The following FRMD4A variants were observed in gnomAD, a reference collection of about 807,000 sequenced individuals.
FRMD4A encodes the protein FERM domain containing 4A, also known as FERM domain-containing protein 4A.
A neutral mutation model predicts 129.1 loss-of-function variants in FRMD4A; 29 were observed. The observed-to-expected ratio is 0.22, with a 90% CI of 0.17 to 0.31. FRMD4A has a LOEUF of 0.31. Ranked by LOEUF, FRMD4A falls within the 10% of genes least tolerant of loss-of-function variation. The probability of loss-of-function intolerance (pLI) is 1.00; values close to 1 mark genes in which losing one functional copy is unlikely to be tolerated. For synonymous variants in FRMD4A, 634 were observed against 571.6 expected (o/e 1.11, Z -1.56); for missense variants, 1,272 against 1,375.8 (o/e 0.92, Z 1.19).
intron 2 of FRMD4A, among the ~76,000 whole-genome samples, chr10:14,154,118 G>A (rs75679371): frequency 0.012 from 1,884 of 152,166 alleles, 29 homozygotes; most frequent in African/African-American, 0.043. Flanking sequence ...TGGCAGTGAC[G>A]CCCGATAGGT....
At chr10:13,784,797 C>T (rs1371805213) in intron 5 of FRMD4A, among the ~76,000 whole-genome samples, 1 of 152,114 alleles carries the variant, frequency 6.6e-6, no homozygotes, top group Admixed American at 6.5e-5. Flanking sequence ...CGAAACCAGC[C>T]TGGCCACCAT....
At chr10:14,323,255 A>G (rs1381455015) in intron 2 of FRMD4A, among the ~76,000 whole-genome samples, 2 of 152,236 alleles carry the variant, frequency 1.3e-5, no homozygotes, top group Non-Finnish European at 2.9e-5. Context: ...ATCATTTCAT[A>G]TCTTTTTAAG....
chr10:13,883,365 G>A (rs2094569162), intron 2 of FRMD4A, among the ~76,000 whole-genome samples: 1 of 152,032 alleles, frequency 6.6e-6, no homozygotes, highest in African/African-American at 2.4e-5. Flanking sequence ...AGTGGTGCGT[G>A]GCTGTAATCC....
At chr10:14,205,421 A>G (rs1323294518) in intron 2 of FRMD4A, among the ~76,000 whole-genome samples, 2 of 152,278 alleles carry the variant, frequency 1.3e-5, no homozygotes, top group East Asian at 3.9e-4. Flanking sequence ...TCTGATGCTG[A>G]TAGGATGCCT....
At chr10:14,226,622 T>C (rs1242707917) in intron 2 of FRMD4A, among the ~76,000 whole-genome samples, 1 of 152,160 alleles carries the variant, frequency 6.6e-6, no homozygotes, top group Non-Finnish European at 1.5e-5. Flanking sequence ...CCATGGTCCA[T>C]GTCTGTGTCC....
rs1564511961 is a variant in FRMD4A, at chr10:13,651,990, CAGG to C, written c.3051-19_3051-17del. 6.1e-6 allele frequency: 9 copies of C among 1,473,352 alleles called. No individual in the cohort carries two copies. The highest frequency in any genetic ancestry group is 2.3e-5 in the East Asian group (1 of 44,246). The allele number at this position is 1,473,352 out of a possible 1,614,324, so 91.3% of individuals were successfully genotyped here. ...TGTTGCTTCTCTGAACAAAGGAAAG[CAGG>C]AGGAGGAAGAGAAGAGAGGTCATGT... On this transcript the variant is annotated splice_polypyrimidine_tract_variant and intron_variant, in intron 23 of 24. Transcript: ENST00000357447.
chr10:13,842,501 A>G lies in FRMD4A; in HGVS notation c.111+16346T>C, dbSNP rs78357043. Reference sequence around the variant, plus strand: ...CTCACCAAAATCCTGCAAGGTACTTATAATTCCCATTTTAGTAACGAGAAA... The same window carrying G: ...CTCACCAAAATCCTGCAAGGTACTTGTAATTCCCATTTTAGTAACGAGAAA... On this transcript the variant is annotated intron_variant, in intron 3 of 24. Transcript: ENST00000357447. Among the ~76,000 whole-genome samples the G allele has an allele frequency of 2.0e-3, 310 of 152,326 alleles. 3 individuals carry two copies. Among genetic ancestry groups the G allele is most frequent in the African/African-American group, 6.9e-3 (285 of 41,566 alleles).
chr10:14,184,443 T>C (rs564346823), intron 2 of FRMD4A, among the ~76,000 whole-genome samples: 46 of 151,740 alleles, frequency 3.0e-4, no homozygotes, highest in Middle Eastern at 3.4e-3. Context: ...TTGAGTAATC[T>C]CAGTTATTTA....
At chr10:13,814,580 C>CAAAAAAAAAAAA (rs553044764) in intron 3 of FRMD4A, among the ~76,000 whole-genome samples, 4 of 41,392 alleles carry the variant, frequency 9.7e-5, no homozygotes, top group East Asian at 1.6e-3. Context: ...GACCCTGTTT[C>CAAAAAAAAAAAA]AAAAAAAAAA....
intron 7 of FRMD4A, among the ~76,000 whole-genome samples, 200 bp downstream of exon 7, chr10:13,762,424 A>T (rs2092111634): frequency 1.3e-5 from 2 of 152,192 alleles, no homozygotes; most frequent in South Asian, 4.1e-4. Flanking sequence ...TTCTGTCTTA[A>T]CATTTTGAAA....
intron 2 of FRMD4A, among the ~76,000 whole-genome samples, chr10:13,953,908 A>G (rs953263997): frequency 6.6e-6 from 1 of 152,200 alleles, no homozygotes; most frequent in African/African-American, 2.4e-5. Flanking sequence ...TTGCAGTATC[A>G]ATTATTTTTA....
intron 2 of FRMD4A, among the ~76,000 whole-genome samples, chr10:14,158,099 C>A (rs1840690805): frequency 6.6e-6 from 1 of 151,668 alleles, no homozygotes; most frequent in Non-Finnish European, 1.5e-5. Context: ...GGGGCCTGAT[C>A]ATAAAGAGCC....
At chr10:14,003,157 C>T (rs1351133676) in intron 2 of FRMD4A, among the ~76,000 whole-genome samples, 3 of 152,194 alleles carry the variant, frequency 2.0e-5, no homozygotes, top group South Asian at 4.2e-4. Flanking sequence ...GAAGGCAACA[C>T]GCAGGCAAGA....
chr10:13,912,999 G>A (rs2131232707), intron 2 of FRMD4A, among the ~76,000 whole-genome samples: 1 of 151,774 alleles, frequency 6.6e-6, no homozygotes, highest in East Asian at 2.0e-4. Context: ...CTTGAACTCG[G>A]GAGGCAGAGT....
intron 3 of FRMD4A, among the ~76,000 whole-genome samples, chr10:13,825,774 C>G (rs1490883048): frequency 6.6e-6 from 1 of 152,194 alleles, no homozygotes; most frequent in Non-Finnish European, 1.5e-5. Context: ...TGGTTTATTT[C>G]TGGAATCTTG....
intron 2 of FRMD4A, among the ~76,000 whole-genome samples, chr10:13,905,867 G>A (rs780054994): frequency 7.2e-5 from 11 of 152,224 alleles, no homozygotes; most frequent in Non-Finnish European, 1.6e-4. Flanking sequence ...CTTGCAGTGC[G>A]AAGTCTCAGA....
At chr10:14,202,475 C>T (rs1842666609) in intron 2 of FRMD4A, among the ~76,000 whole-genome samples, 1 of 152,142 alleles carries the variant, frequency 6.6e-6, no homozygotes, top group Admixed American at 6.5e-5. Context: ...TATCTCGGCT[C>T]ACTGCAACCT....
At chr10:13,779,103 G>C (rs1216124933) in intron 6 of FRMD4A, among the ~76,000 whole-genome samples, 9 of 152,114 alleles carry the variant, frequency 5.9e-5, no homozygotes, top group Admixed American at 4.6e-4. Flanking sequence ...TGGATCATGA[G>C]GTCAGGCGTT....
intron 15 of FRMD4A, among the ~76,000 whole-genome samples, chr10:13,676,402 A>G (rs2083995303): frequency 6.7e-6 from 1 of 148,962 alleles, no homozygotes; most frequent in Non-Finnish European, 1.5e-5. Flanking sequence ...AGCTGGGATT[A>G]CAGGCACCCG....
Sources: gnomAD v4.1 joint callset for allele counts (sites outside exome capture counted in the v4.1 genomes callset) on GRCh38, gnomAD v4.1.1 for gene constraint, MANE v1.5 for transcripts, NCBI Gene and HGNC (gene_info 2026-07-23, HGNC 2026-07-21) for gene names.